The following BMERB1 variants were observed in gnomAD, a reference collection of about 807,000 sequenced individuals.
The protein encoded by BMERB1 is bMERB domain containing 1.
In BMERB1, 12 loss-of-function variants were observed where a neutral mutation model predicts 23.6. That is an observed-to-expected ratio of 0.51 (90% CI 0.33 to 0.82). The LOEUF (loss-of-function observed/expected upper bound fraction) is 0.82. Among genes scored for constraint, BMERB1 ranks in the 40% least tolerant of loss-of-function variants. The probability of loss-of-function intolerance (pLI) is 0.03; values close to 1 mark genes in which losing one functional copy is unlikely to be tolerated. For synonymous variants in BMERB1, 122 were observed against 96.6 expected, an observed-to-expected ratio of 1.26 and a Z score of -1.54; for missense variants, 247 against 255.4, an observed-to-expected ratio of 0.97 and a Z score of 0.22.
intron 2 of BMERB1, among the ~76,000 whole-genome samples, chr16:15,538,625 G>T (rs80137274): frequency 0.014 from 2,169 of 152,288 alleles, 59 homozygotes; most frequent in African/African-American, 0.051. Flanking sequence ...AGAACAATCA[G>T]AGTATTCTGG....
intron 1 of BMERB1, among the ~76,000 whole-genome samples, chr16:15,467,404 T>C (rs557060984): frequency 2.0e-5 from 3 of 152,288 alleles, no homozygotes; most frequent in African/African-American, 7.2e-5. Flanking sequence ...TGCAGTGACA[T>C]CTTGTGGTTT....
At chr16:15,553,166 C>G (rs1321697141) in intron 2 of BMERB1, among the ~76,000 whole-genome samples, 1 of 152,220 alleles carries the variant, frequency 6.6e-6, no homozygotes, top group Non-Finnish European at 1.5e-5. Flanking sequence ...CACCACCATG[C>G]CCGGCTAGTT....
chr16:15,458,281 C>T (rs1211653638), intron 1 of BMERB1, among the ~76,000 whole-genome samples: 1 of 152,302 alleles, frequency 6.6e-6, no homozygotes, highest in East Asian at 1.9e-4. Context: ...TGGGTCACTT[C>T]ATTCTTTTGA....
chr16:15,581,386 TC>T, intron 4 of BMERB1, 55 bp downstream of exon 4: 1 of 1,463,356 alleles, frequency 6.8e-7, no homozygotes, highest in Admixed American at 1.8e-5. Flanking sequence ...ACCTTCTGCT[TC>T]CTTCCAGAAC....
chr16:15,444,119 C>CTTTGTTTTTTTTTTTTTTGTTTTTTTT (rs1468114343), intron 1 of BMERB1, among the ~76,000 whole-genome samples: 1 of 24,458 alleles, frequency 4.1e-5, no homozygotes. Context: ...CAGGCACCAG[C>CTTTGTTTTTTTTTTTTTTGTTTTTTTT]TTTGTTTTTT....
intron 1 of BMERB1, among the ~76,000 whole-genome samples, chr16:15,515,044 C>G (rs998439729): frequency 6.6e-6 from 1 of 152,142 alleles, no homozygotes; most frequent in South Asian, 2.1e-4. Context: ...ATCGCTTCAC[C>G]GCACTCCAGC....
chr16:15,562,135 T>C (rs1371239651), intron 2 of BMERB1, among the ~76,000 whole-genome samples: 1 of 149,866 alleles, frequency 6.7e-6, no homozygotes, highest in Non-Finnish European at 1.5e-5. Flanking sequence ...TGGTGAAATC[T>C]CGTCCAAAAA....
At chr16:15,474,646 C>T (rs1359166060) in intron 1 of BMERB1, among the ~76,000 whole-genome samples, 1 of 152,156 alleles carries the variant, frequency 6.6e-6, no homozygotes, top group Non-Finnish European at 1.5e-5. Flanking sequence ...TCCTAAAGCA[C>T]TGGGATTTCA....
At chr16:15,519,254 G>A (rs921987905) in intron 2 of BMERB1, among the ~76,000 whole-genome samples, 3 of 152,074 alleles carry the variant, frequency 2.0e-5, no homozygotes, top group Admixed American at 6.6e-5. Flanking sequence ...TAATAGCCGC[G>A]GTGAGATTTG....
At chr16:15,453,526 G>A (rs1411758824) in intron 1 of BMERB1, among the ~76,000 whole-genome samples, 1 of 152,136 alleles carries the variant, frequency 6.6e-6, no homozygotes, top group East Asian at 1.9e-4. Flanking sequence ...AGGCTGCAGT[G>A]AGCCAAGACT....
chr16:15,534,303 A>AAG (rs1555511941), intron 2 of BMERB1, among the ~76,000 whole-genome samples: 4,910 of 116,878 alleles, frequency 0.042, 301 homozygotes, highest in Non-Finnish European at 0.059. Context: ...AAAAAAAAAA[A>AAG]AAAAAAAAAA....
At chr16:15,528,609 A>C (rs1352723415) in intron 2 of BMERB1, among the ~76,000 whole-genome samples, 1 of 144,928 alleles carries the variant, frequency 6.9e-6, no homozygotes, top group Non-Finnish European at 1.5e-5. Context: ...TTTAGTCTCC[A>C]CCTCCCCACC....
intron 1 of BMERB1, among the ~76,000 whole-genome samples, chr16:15,510,478 A>C (rs1282268069): frequency 6.6e-6 from 1 of 152,124 alleles, no homozygotes; most frequent in African/African-American, 2.4e-5. Flanking sequence ...GGGCAATTGC[A>C]AGCATATATT....
At chr16:15,513,834 C>T (rs980333470) in intron 1 of BMERB1, among the ~76,000 whole-genome samples, 7 of 151,880 alleles carry the variant, frequency 4.6e-5, no homozygotes, top group African/African-American at 1.7e-4. Context: ...GTGAAGGTTG[C>T]ATTGAGCCAA....
intron 1 of BMERB1, among the ~76,000 whole-genome samples, chr16:15,512,752 G>T (rs2051686315): frequency 6.6e-6 from 1 of 151,936 alleles, no homozygotes. Context: ...GGTGGCACGA[G>T]CCTGTAACCC....
At chr16:15,485,237 T>G (rs1045656290) in intron 1 of BMERB1, among the ~76,000 whole-genome samples, 2 of 152,070 alleles carry the variant, frequency 1.3e-5, no homozygotes, top group East Asian at 1.9e-4. Flanking sequence ...GTATGTTCAT[T>G]CCTCCAAATT....
chr16:15,438,815 A>T (rs577828515), intron 1 of BMERB1, among the ~76,000 whole-genome samples: 1 of 151,966 alleles, frequency 6.6e-6, no homozygotes, highest in Non-Finnish European at 1.5e-5. Flanking sequence ...CCTTTTTTGG[A>T]ACACTCTTTC....
intron 1 of BMERB1, among the ~76,000 whole-genome samples, chr16:15,512,335 A>G (rs1165298360): frequency 1.3e-5 from 2 of 152,170 alleles, no homozygotes; most frequent in African/African-American, 4.8e-5. Context: ...TAGAGATCCA[A>G]GCAGGTAGGG....
intron 2 of BMERB1, among the ~76,000 whole-genome samples, chr16:15,565,576 CAGTGGCT>C (rs2030541591): frequency 6.6e-6 from 1 of 152,212 alleles, no homozygotes; most frequent in Non-Finnish European, 1.5e-5. Context: ...AGGCCAGGTA[CAGTGGCT>C]CACGCCTGTA....
Sources: gnomAD v4.1 joint callset for allele counts (sites outside exome capture counted in the v4.1 genomes callset) on GRCh38, gnomAD v4.1.1 for gene constraint, MANE v1.5 for transcripts, NCBI Gene and HGNC (gene_info 2026-07-23, HGNC 2026-07-21) for gene names.